TMEM135: variants seen among roughly 807,000 people sequenced by gnomAD.
TMEM135 encodes the protein transmembrane protein 135.
TMEM135 carries 30 observed loss-of-function variants against 60.3 expected under a neutral mutation model. The observed-to-expected ratio is 0.50, with a 90% CI of 0.37 to 0.68. TMEM135 has a LOEUF of 0.68. TMEM135 is among the 30% of genes least tolerant of loss of function. TMEM135 has a pLI of 0.00. For missense variants in TMEM135, 468 were observed against 548.8 expected (o/e 0.85, Z 1.47); for synonymous variants, 190 against 186.7 (o/e 1.02, Z -0.14).
chr11:87,146,489 A>G (rs1377185462), intron 4 of TMEM135, among the ~76,000 whole-genome samples: 1 of 152,072 alleles, frequency 6.6e-6, no homozygotes, highest in Admixed American at 6.5e-5. Flanking sequence ...CGATCCTCCT[A>G]CTTTAGCCTC....
At chr11:87,168,745 G>C (rs1939141114) in intron 5 of TMEM135, among the ~76,000 whole-genome samples, 1 of 152,054 alleles carries the variant, frequency 6.6e-6, no homozygotes, top group Non-Finnish European at 1.5e-5. Flanking sequence ...AATTTTAGAA[G>C]AAGTTCTATG....
At chr11:87,318,477 C>T (rs1471130753) in intron 13 of TMEM135, among the ~76,000 whole-genome samples, 3 of 150,318 alleles carry the variant, frequency 2.0e-5, no homozygotes, top group African/African-American at 4.9e-5. Flanking sequence ...TAATAGAGTA[C>T]AATTTATAAG....
intron 1 of TMEM135, among the ~76,000 whole-genome samples, chr11:87,040,380 C>T (rs1447592781): frequency 6.6e-6 from 1 of 152,070 alleles, no homozygotes; most frequent in Non-Finnish European, 1.5e-5. Flanking sequence ...GTGATCAGGC[C>T]AGGTGCAGTG....
At chr11:87,157,681 G>T in intron 5 of TMEM135, 2 of 323,380 alleles carry the variant, frequency 6.2e-6, no homozygotes, top group Non-Finnish European at 1.1e-5. Flanking sequence ...TTCTACAAAT[G>T]TTTGTAATGA....
At chr11:87,145,019 T>C (rs879667606) in intron 4 of TMEM135, among the ~76,000 whole-genome samples, 1 of 152,166 alleles carries the variant, frequency 6.6e-6, no homozygotes, top group Non-Finnish European at 1.5e-5. Context: ...TTATCAACTG[T>C]ATTCACCATG....
intron 3 of TMEM135, among the ~76,000 whole-genome samples, chr11:87,074,614 G>C (rs943684427): frequency 2.0e-5 from 3 of 152,100 alleles, no homozygotes; most frequent in African/African-American, 7.2e-5. Flanking sequence ...ATCAACTAGA[G>C]TCAATGGTTA....
intron 4 of TMEM135, among the ~76,000 whole-genome samples, chr11:87,110,139 T>C (rs1857705785): frequency 6.6e-6 from 1 of 152,186 alleles, no homozygotes; most frequent in Non-Finnish European, 1.5e-5. Flanking sequence ...TAGCTGGTTG[T>C]GGCAGTGTCG....
rs1235244067 is a variant in TMEM135, at chr11:87,302,415, G to T, written c.671G>T (p.Gly224Val). 3.1e-6 allele frequency: 5 copies of T among 1,613,678 alleles called. No homozygotes were observed. Among genetic ancestry groups the T allele is most frequent in the Non-Finnish European group, 4.2e-6 (5 of 1,179,884 alleles). The change falls in exon 8 of 15, where the codon GGT becomes GTT. Residue 224 changes from glycine (G) to valine (V), a missense_variant. Coordinates refer to ENST00000305494, the MANE Select transcript of TMEM135 (RefSeq NM_022918.4). ...EEKPGRMNMI[G>V]LVRKFVDSIC... is the part of the protein sequence containing the mutation. ...AAACCCGGAAGAATGAATATGATTGGTCTAGTCAGGAAATTTGTGGATTCA... is the reference window on the plus strand; with the variant it reads ...AAACCCGGAAGAATGAATATGATTGTTCTAGTCAGGAAATTTGTGGATTCA...
At chr11:87,213,483 C>A (rs1940425331) in intron 5 of TMEM135, among the ~76,000 whole-genome samples, 1 of 152,124 alleles carries the variant, frequency 6.6e-6, no homozygotes, top group South Asian at 2.1e-4. Flanking sequence ...AGTGAGGGAG[C>A]ACAGTTAGAG....
intron 6 of TMEM135, among the ~76,000 whole-genome samples, chr11:87,290,632 C>T (rs192054959): frequency 9.9e-5 from 15 of 152,262 alleles, no homozygotes; most frequent in Non-Finnish European, 1.3e-4. Context: ...AGAGTATTAT[C>T]CTGATAATGA....
At chr11:87,089,955 G>A (rs1013232311) in intron 3 of TMEM135, among the ~76,000 whole-genome samples, 1 of 152,096 alleles carries the variant, frequency 6.6e-6, no homozygotes, top group East Asian at 1.9e-4. Flanking sequence ...GAGTACATGT[G>A]TAGAATGTGC....
chr11:87,141,754 C>T (rs1938268517), intron 4 of TMEM135, among the ~76,000 whole-genome samples: 2 of 151,852 alleles, frequency 1.3e-5, no homozygotes, highest in Admixed American at 1.3e-4. Flanking sequence ...ACCCTGCAGA[C>T]AGAAACTCTA....
intron 5 of TMEM135, among the ~76,000 whole-genome samples, chr11:87,197,018 A>T (rs1297085422): frequency 6.6e-6 from 1 of 152,138 alleles, no homozygotes; most frequent in African/African-American, 2.4e-5. Flanking sequence ...TAATGAAAAA[A>T]AATTAGCAAA....
rs147683726 is a variant in TMEM135, at chr11:87,188,319, T to G, written c.462+30913T>G. Among the ~76,000 whole-genome samples, 8 of 152,338 alleles carry G rather than the reference T, an allele frequency of 5.3e-5. No individual in the cohort carries two copies. In the East Asian group the frequency reaches 1.5e-3, roughly 29 times the overall value. On this transcript the variant is annotated intron_variant, in intron 5 of 14. Transcript: ENST00000305494. ...CAAGTCTGAAAAAAATAAGAAGTTA[T>G]AGCCTAGCTTTCTGTATTTTGTCTC...
At chr11:87,102,553 A>G (rs1413761052) in intron 4 of TMEM135, among the ~76,000 whole-genome samples, 1 of 152,056 alleles carries the variant, frequency 6.6e-6, no homozygotes, top group Non-Finnish European at 1.5e-5. Context: ...ACTTTTCCGT[A>G]TGAGCCAACC....
Position 87,072,420 on chromosome 11 carries a change from G to A in TMEM135, c.362+805G>A, listed in dbSNP as rs566361552. ...TTCTGAGCCAGAGTCTTGCTCTGTT[G>A]CGCAGGCTGGAGTGCAGTGGTGCGA... is the stretch of plus-strand genomic sequence containing the variant. On this transcript the variant is annotated intron_variant, in intron 3 of 14. Coordinates refer to ENST00000305494, the MANE Select transcript of TMEM135 (RefSeq NM_022918.4). Among the ~76,000 whole-genome samples, 3 of 152,010 alleles carry A rather than the reference G, an allele frequency of 2.0e-5. No homozygotes were observed. In the South Asian group the frequency reaches 6.3e-4, roughly 32 times the overall value.
intron 5 of TMEM135, among the ~76,000 whole-genome samples, chr11:87,169,625 G>A (rs2135286448): frequency 6.6e-6 from 1 of 152,088 alleles, no homozygotes; most frequent in South Asian, 2.1e-4. Context: ...GTTGAATATT[G>A]GCCCTCACTC....
chr11:87,266,060 T>A (rs952448312), intron 6 of TMEM135, among the ~76,000 whole-genome samples: 2 of 152,132 alleles, frequency 1.3e-5, no homozygotes, highest in Admixed American at 1.3e-4. Context: ...AAATATTTAT[T>A]TTGAGGATAA....
chr11:87,313,610 C>A, intron 11 of TMEM135, 122 bp downstream of exon 11: 2 of 857,982 alleles, frequency 2.3e-6, no homozygotes, highest in South Asian at 1.5e-5. Context: ...AATAGAATTC[C>A]AGTTGAGGCA....
Sources: gnomAD v4.1 joint callset for allele counts (sites outside exome capture counted in the v4.1 genomes callset) on GRCh38, gnomAD v4.1.1 for gene constraint, MANE v1.5 for transcripts, NCBI Gene and HGNC (gene_info 2026-07-23, HGNC 2026-07-21) for gene names.